ARB2A: variants seen among roughly 807,000 people sequenced by gnomAD.
The protein encoded by ARB2A is cotranscriptional regulator ARB2A.
the ARB2A span, among the ~76,000 whole-genome samples, chr5:94,055,220 T>G: frequency 6.6e-6 from 1 of 152,214 alleles, no homozygotes; most frequent in Non-Finnish European, 1.5e-5. Context: ...AAATAAAGGT[T>G]AGTTAGGTTT....
At chr5:93,632,363 A>G in the ARB2A span, among the ~76,000 whole-genome samples, 1 of 152,286 alleles carries the variant, frequency 6.6e-6, no homozygotes, top group African/African-American at 2.4e-5. Flanking sequence ...GTGGAAGAAC[A>G]AGTGCCGGGG....
the ARB2A span, among the ~76,000 whole-genome samples, chr5:93,955,394 T>C: frequency 6.6e-6 from 1 of 152,222 alleles, no homozygotes; most frequent in African/African-American, 2.4e-5. Context: ...AGCCAAACTG[T>C]ATAAATTACA....
the ARB2A span, chr5:93,736,007 T>C: frequency 6.6e-6 from 1 of 152,110 alleles, no homozygotes; most frequent in East Asian, 1.9e-4. Context: ...ACATTAAGTT[T>C]TTCTTGAGCA....
the ARB2A span, among the ~76,000 whole-genome samples, chr5:93,711,042 A>C: frequency 2.0e-5 from 3 of 152,050 alleles, no homozygotes; most frequent in Non-Finnish European, 4.4e-5. Flanking sequence ...CACTTAAGAA[A>C]CCTTCAATCT....
chr5:94,004,444 T>C, the ARB2A span, among the ~76,000 whole-genome samples: 1 of 152,002 alleles, frequency 6.6e-6, no homozygotes, highest in African/African-American at 2.4e-5. Flanking sequence ...TAGCCAGGCA[T>C]TGTGGCAGGC....
chr5:94,000,151 C>T, the ARB2A span, among the ~76,000 whole-genome samples: 1 of 152,022 alleles, frequency 6.6e-6, no homozygotes, highest in Non-Finnish European at 1.5e-5. Flanking sequence ...TTCATGTGGA[C>T]GTAAGTTTCA....
At chr5:94,096,664 A>G in the ARB2A span, among the ~76,000 whole-genome samples, 1 of 152,204 alleles carries the variant, frequency 6.6e-6, no homozygotes, top group Non-Finnish European at 1.5e-5. Flanking sequence ...AAATAAATAT[A>G]CAGAGAAAGA....
At chr5:93,895,349 T>A in the ARB2A span, among the ~76,000 whole-genome samples, 1 of 152,312 alleles carries the variant, frequency 6.6e-6, no homozygotes, top group Non-Finnish European at 1.5e-5. Context: ...GGAAAAGCAG[T>A]AAGCATTTGA....
the ARB2A span, among the ~76,000 whole-genome samples, chr5:93,657,940 A>G: frequency 6.6e-6 from 1 of 152,304 alleles, no homozygotes; most frequent in Non-Finnish European, 1.5e-5. Flanking sequence ...TTGCTATATA[A>G]TATGCATTGT....
At chr5:94,087,424 A>G in the ARB2A span, among the ~76,000 whole-genome samples, 1 of 152,180 alleles carries the variant, frequency 6.6e-6, no homozygotes, top group African/African-American at 2.4e-5. Context: ...AATTAATTTT[A>G]AAATTTATAA....
the ARB2A span, among the ~76,000 whole-genome samples, chr5:93,914,444 AC>A: frequency 6.6e-6 from 1 of 152,020 alleles, no homozygotes. Flanking sequence ...CCAAAATAGT[AC>A]TATCTTATTC....
chr5:94,037,917 T>C, the ARB2A span, among the ~76,000 whole-genome samples: 4 of 152,146 alleles, frequency 2.6e-5, no homozygotes, highest in Non-Finnish European at 4.4e-5. Context: ...AGAAAACATA[T>C]TACTAATTTA....
the ARB2A span, chr5:93,881,623 T>C: frequency 6.2e-7 from 1 of 1,605,172 alleles, no homozygotes; most frequent in East Asian, 2.2e-5. Context: ...ACTGTACGTG[T>C]ATCTTCGGCT....
chr5:93,757,560 TA>T, the ARB2A span, among the ~76,000 whole-genome samples: 3 of 152,138 alleles, frequency 2.0e-5, no homozygotes, highest in African/African-American at 4.8e-5. Context: ...CCAGAAGGGA[TA>T]GGGGGCACTA....
At chr5:93,778,138 GGT>G in the ARB2A span, among the ~76,000 whole-genome samples, 17 of 152,180 alleles carry the variant, frequency 1.1e-4, no homozygotes, top group Non-Finnish European at 2.1e-4. Context: ...AAAGCTTGAT[GGT>G]TTAAAATGGA....
At chr5:94,109,144 T>C in the ARB2A span, among the ~76,000 whole-genome samples, 1 of 152,206 alleles carries the variant, frequency 6.6e-6, no homozygotes, top group Non-Finnish European at 1.5e-5. Context: ...GGACGAACGT[T>C]GGAGACATTA....
At chr5:93,750,910 T>C in the ARB2A span, among the ~76,000 whole-genome samples, 20 of 152,172 alleles carry the variant, frequency 1.3e-4, no homozygotes, top group Non-Finnish European at 2.2e-4. Flanking sequence ...ATATTAATAT[T>C]GACAGAAGAC....
the ARB2A span, among the ~76,000 whole-genome samples, chr5:93,745,629 A>G: frequency 6.6e-6 from 1 of 152,106 alleles, no homozygotes; most frequent in African/African-American, 2.4e-5. Flanking sequence ...GGCTTTGCTC[A>G]AGAGTCTATA....
the ARB2A span, among the ~76,000 whole-genome samples, chr5:93,765,608 T>C: frequency 6.6e-6 from 1 of 152,110 alleles, no homozygotes; most frequent in Non-Finnish European, 1.5e-5. Context: ...ATCATGAAAA[T>C]GGCCATACAG....
Sources: allele counts gnomAD v4.1 joint callset (sites outside exome capture counted in the v4.1 genomes callset), GRCh38; gene constraint gnomAD v4.1.1; transcripts MANE v1.5; gene names NCBI Gene and HGNC (gene_info 2026-07-23, HGNC 2026-07-21).